The following DTWD1 variants were observed in gnomAD, a reference collection of about 807,000 sequenced individuals.
DTWD1 encodes tRNA-uridine aminocarboxypropyltransferase 1.
DTWD1 carries 27 observed loss-of-function variants against 30.2 expected under a neutral mutation model. The observed-to-expected ratio is 0.90, with a 90% CI of 0.66 to 1.23. The LOEUF (loss-of-function observed/expected upper bound fraction) is 1.23, where lower values mean the gene tolerates loss of function less well. Ranked by LOEUF, DTWD1 falls within the 50% of genes most tolerant of loss-of-function variation. The pLI is 0.00. For missense variants in DTWD1, 342 were observed against 348.8 expected, an observed-to-expected ratio of 0.98 and a Z score of 0.15; for synonymous variants, 99 against 113.1, an observed-to-expected ratio of 0.88 and a Z score of 0.79.
rs2079151413 is a variant in DTWD1, at chr15:49,651,403, C to T, written c.*7825C>T. The T allele has an allele frequency of 1.3e-5, 2 of 152,156 alleles. No individual in the cohort carries two copies. The highest frequency in any genetic ancestry group is 2.9e-5 in the Non-Finnish European group (2 of 68,060). 9.4% of individuals were successfully genotyped at this position (152,156 alleles called of 1,614,324 possible). ...AAACACATTGCCTAGTTGACGTCATCCTTCCTGCTTCAGTTATTCGCCACC... is the reference window on the plus strand; with the variant it reads ...AAACACATTGCCTAGTTGACGTCATTCTTCCTGCTTCAGTTATTCGCCACC... On this transcript the variant is annotated 3_prime_UTR_variant, in exon 5 of 5. Coordinates refer to ENST00000403028, the MANE Select transcript of DTWD1 (RefSeq NM_001144955.2).
intron 1 of DTWD1, among the ~76,000 whole-genome samples, chr15:49,624,373 A>G (rs578009128): frequency 1.3e-5 from 2 of 152,354 alleles, no homozygotes; most frequent in Non-Finnish European, 2.9e-5. Flanking sequence ...CTTACAGGGT[A>G]TACAGATAGC....
At position 49,643,366 on chromosome 15, in the gene DTWD1, T is replaced by A; in HGVS notation, c.703T>A (p.Cys235Ser). 1 of 1,562,978 alleles carries A rather than the reference T, an allele frequency of 6.4e-7. No individual in the cohort carries two copies. The highest frequency in any genetic ancestry group is 1.2e-5 in the South Asian group (1 of 80,170). The change falls in exon 5 of 5, where the codon TGC becomes AGC. Residue 235 changes from cysteine to serine, a missense_variant. Transcript: ENST00000403028. Reference protein sequence around the residue: ...LQVELKTRKTCFWRHQKGKPD... With the variant: ...LQVELKTRKTSFWRHQKGKPD... ...AGTTGAGTTGAAAACAAGAAAAACT[T>A]GCTTTTGGCGCCATCAAAAAGGAAA...
At chr15:49,635,115 A>G (rs988063268) in intron 4 of DTWD1, among the ~76,000 whole-genome samples, 4 of 151,930 alleles carry the variant, frequency 2.6e-5, no homozygotes, top group East Asian at 1.9e-4. Flanking sequence ...GCTCACTGCA[A>G]CCTCCTCCTC....
At chr15:49,630,087 A>C (rs1205812561) in intron 2 of DTWD1, 1 of 152,190 alleles carries the variant, frequency 6.6e-6, no homozygotes, top group Non-Finnish European at 1.5e-5. Flanking sequence ...AAGTCAAATG[A>C]AGAGGGTATA....
rs2079163768 is a variant in DTWD1, at chr15:49,653,462, A to G, written c.*9884A>G. ...TAGATCAGTGAGATTTTTGTGTTGGACTTCTACAGAACTATATAAGAATAA... is the reference window on the plus strand; with the variant it reads ...TAGATCAGTGAGATTTTTGTGTTGGGCTTCTACAGAACTATATAAGAATAA... On this transcript the variant is annotated 3_prime_UTR_variant, in exon 5 of 5. Coordinates refer to ENST00000403028, the MANE Select transcript of DTWD1 (RefSeq NM_001144955.2). 1 of 152,148 alleles carries G rather than the reference A, an allele frequency of 6.6e-6. No homozygotes were observed. The highest frequency in any genetic ancestry group is 6.6e-5 in the Admixed American group (1 of 15,258). 9.4% of individuals were successfully genotyped at this position (152,148 alleles called of 1,614,324 possible). A position where few individuals can be genotyped will look rare whatever the true frequency, so the allele number is the denominator to read the frequency against.
intron 2 of DTWD1, among the ~76,000 whole-genome samples, chr15:49,627,815 C>G (rs73406051): frequency 0.06 from 9,097 of 152,172 alleles, 708 homozygotes; most frequent in African/African-American, 0.18. Flanking sequence ...TCAGTGGTGA[C>G]TTGTGAGTGA....
chr15:49,638,951 T>C (rs1809432326), intron 4 of DTWD1, among the ~76,000 whole-genome samples: 1 of 152,214 alleles, frequency 6.6e-6, no homozygotes. Flanking sequence ...TTTCTTTTTG[T>C]TGGATGTGAG....
rs1269806035 is a variant in DTWD1, at chr15:49,644,343, G to T, written c.*765G>T. The T allele has an allele frequency of 6.6e-6, 1 of 152,142 alleles. No individual in the cohort carries two copies. The highest frequency in any genetic ancestry group is 2.1e-4 in the South Asian group (1 of 4,832). 9.4% of individuals were successfully genotyped at this position (152,142 alleles called of 1,614,324 possible). On this transcript the variant is annotated 3_prime_UTR_variant, in exon 5 of 5. Transcript: ENST00000403028. Reference sequence around the variant, plus strand: ...TGCTAGTGGCCATCTCTGCTGCCAGGTGAAAAGAGCCTGACTTAGAATGAA... The same window carrying T: ...TGCTAGTGGCCATCTCTGCTGCCAGTTGAAAAGAGCCTGACTTAGAATGAA...
At position 49,647,668 on chromosome 15, in the gene DTWD1, A is replaced by T. The variant is rs1263615914; in HGVS notation, c.*4090A>T. ...CAAACACTTACTGACCCTACATTGA[A>T]GGCCACCAGCCAAAAATCACCACCC... On this transcript the variant is annotated 3_prime_UTR_variant, in exon 5 of 5. Transcript: ENST00000403028. The T allele has an allele frequency of 6.6e-6, 1 of 152,142 alleles. No individual in the cohort carries two copies. Among genetic ancestry groups the T allele is most frequent in the Non-Finnish European group, 1.5e-5 (1 of 68,028 alleles). The allele number at this position is 152,142 out of a possible 1,614,324, so 9.4% of individuals were successfully genotyped here.
At chr15:49,623,885 C>T (rs2078803612) in intron 1 of DTWD1, 1 of 152,060 alleles carries the variant, frequency 6.6e-6, no homozygotes, top group Non-Finnish European at 1.5e-5. Context: ...TTAAATACTG[C>T]TTTCTTACCC....
rs920467146 is a variant in DTWD1 at position 49,653,044 on chromosome 15, A to G, written c.*9466A>G. The G allele has an allele frequency of 3.9e-5, 6 of 152,154 alleles. No homozygotes were observed. The highest frequency in any genetic ancestry group is 3.9e-4 in the Admixed American group (6 of 15,270). The allele number at this position is 152,154 out of a possible 1,614,324, so 9.4% of individuals were successfully genotyped here. A position where few individuals can be genotyped will look rare whatever the true frequency, so the allele number is the denominator to read the frequency against. ...AGAAATCCCAAATCAGTTTTTTTTC[A>G]GCATATGACATTTTGGAGTAGTTTG... On this transcript the variant is annotated 3_prime_UTR_variant, in exon 5 of 5. Transcript: ENST00000403028.
intron 2 of DTWD1, among the ~76,000 whole-genome samples, chr15:49,628,751 A>G (rs2153351809): frequency 6.6e-6 from 1 of 151,578 alleles, no homozygotes; most frequent in South Asian, 2.1e-4. Flanking sequence ...TCTGGTCAAC[A>G]CTATTTTTTT....
intron 2 of DTWD1, among the ~76,000 whole-genome samples, chr15:49,627,407 A>G (rs759782492): frequency 2.6e-5 from 4 of 152,200 alleles, no homozygotes; most frequent in Non-Finnish European, 5.9e-5. Flanking sequence ...GGATGACAAT[A>G]TAATGAGTAA....
intron 1 of DTWD1, among the ~76,000 whole-genome samples, chr15:49,624,260 A>G (rs1418548067): frequency 2.6e-5 from 4 of 152,300 alleles, no homozygotes; most frequent in South Asian, 2.1e-4. Context: ...TAGTTAAACC[A>G]CAATGCCAGA....
chr15:49,633,037 T>TTA (rs1555588540), intron 3 of DTWD1, among the ~76,000 whole-genome samples: 7 of 76,698 alleles, frequency 9.1e-5, no homozygotes, highest in African/African-American at 2.2e-4. Context: ...ACTTTCCTAT[T>TTA]TATATCTATA....
intron 4 of DTWD1, 132 bp from the exon 5 acceptor site, chr15:49,643,199 A>G: frequency 9.8e-7 from 1 of 1,021,672 alleles, no homozygotes; most frequent in Middle Eastern, 3.4e-4. Context: ...GAAGGAAGTT[A>G]TCTGCAGTCT....
In DTWD1 at chr15:49,645,300, G is replaced by A. The variant is rs1388559051; in HGVS notation, c.*1722G>A. ...AAATTATTGATAGATCATACACCTA[G>A]TTAGTAGCAGAGCCTGTTCTAGAAT... On this transcript the variant is annotated 3_prime_UTR_variant, in exon 5 of 5. Coordinates refer to ENST00000403028, the MANE Select transcript of DTWD1 (RefSeq NM_001144955.2). The A allele has an allele frequency of 1.3e-5, 2 of 152,104 alleles. No homozygotes were observed. Among genetic ancestry groups the A allele is most frequent in the Non-Finnish European group, 2.9e-5 (2 of 68,004 alleles). 9.4% of individuals were successfully genotyped at this position (152,104 alleles called of 1,614,324 possible). A position where few individuals can be genotyped will look rare whatever the true frequency, so the allele number is the denominator to read the frequency against.
At position 49,652,219 on chromosome 15, in the gene DTWD1, A is replaced by G. The variant is rs919681468; in HGVS notation, c.*8641A>G. 5 of 152,066 alleles carry G rather than the reference A, an allele frequency of 3.3e-5. No homozygotes were observed. Among genetic ancestry groups the G allele is most frequent in the African/African-American group, 1.2e-4 (5 of 41,420 alleles). 9.4% of individuals were successfully genotyped at this position (152,066 alleles called of 1,614,324 possible). A position where few individuals can be genotyped will look rare whatever the true frequency, so the allele number is the denominator to read the frequency against. On this transcript the variant is annotated 3_prime_UTR_variant, in exon 5 of 5. Transcript: ENST00000403028. ...CCCACAAGGGGACACAGTTTTGCTG[A>G]GAGATATATAAAAAATCTCACTGAA... is the stretch of plus-strand genomic sequence containing the variant.
At chr15:49,627,518 C>T (rs1304879808) in intron 2 of DTWD1, among the ~76,000 whole-genome samples, 2 of 152,098 alleles carry the variant, frequency 1.3e-5, no homozygotes, top group African/African-American at 4.8e-5. Flanking sequence ...AGAAATGAGT[C>T]GTTAGGCAAA....
Sources: gnomAD v4.1 joint callset for allele counts (sites outside exome capture counted in the v4.1 genomes callset) on GRCh38, gnomAD v4.1.1 for gene constraint, MANE v1.5 for transcripts, NCBI Gene and HGNC (gene_info 2026-07-23, HGNC 2026-07-21) for gene names.